The following CD247 variants were observed in gnomAD, a reference collection of about 807,000 sequenced individuals.
CD247 encodes T-cell surface glycoprotein CD3 zeta chain.
In CD247, 13 loss-of-function variants were observed where a neutral mutation model predicts 30.0. The ratio of observed to expected loss-of-function variants is 0.43; its 90% CI spans 0.28 to 0.69. The LOEUF is 0.69. CD247 is among the 30% of genes least tolerant of loss of function. CD247 has a pLI of 0.16. For missense variants in CD247, 193 were observed against 212.6 expected (o/e 0.91, Z 0.57); for synonymous variants, 72 against 80.0 (o/e 0.90, Z 0.53).
intron 1 of CD247, among the ~76,000 whole-genome samples, chr1:167,477,433 T>C (rs1020677633): frequency 6.6e-6 from 1 of 152,146 alleles, no homozygotes; most frequent in Admixed American, 6.5e-5. Flanking sequence ...GAAAGTGCCA[T>C]TTGTGTAGTT....
intron 1 of CD247, among the ~76,000 whole-genome samples, chr1:167,472,420 T>C (rs772254289): frequency 5.9e-5 from 9 of 152,250 alleles, no homozygotes; most frequent in Non-Finnish European, 4.4e-5. Context: ...TTGGCAGAAT[T>C]ATGCCTATGG....
At chr1:167,458,028 C>T (rs1408901197) in intron 1 of CD247, among the ~76,000 whole-genome samples, 2 of 152,186 alleles carry the variant, frequency 1.3e-5, no homozygotes, top group African/African-American at 2.4e-5. Flanking sequence ...CCTGAAAGAA[C>T]ATTTTTATGG....
intron 4 of CD247, among the ~76,000 whole-genome samples, chr1:167,436,527 A>C (rs1481545156): frequency 1.3e-5 from 2 of 152,244 alleles, no homozygotes; most frequent in African/African-American, 4.8e-5. Context: ...TCTCTTCAAT[A>C]AACGGTGTTG....
intron 1 of CD247, among the ~76,000 whole-genome samples, chr1:167,445,298 T>A (rs950756327): frequency 6.6e-6 from 1 of 152,104 alleles, no homozygotes; most frequent in African/African-American, 2.4e-5. Flanking sequence ...CATAAGGGTA[T>A]GTGTTCCATT....
chr1:167,458,385 T>G (rs996641251), intron 1 of CD247: 5 of 152,404 alleles, frequency 3.3e-5, no homozygotes, highest in African/African-American at 9.6e-5. Context: ...GCCCTGCATG[T>G]GACTCAGGCC....
rs947697025 is a variant in CD247 at position 167,475,996 on chromosome 1, A to AT, written c.59-35230dup. Reference sequence around the variant, plus strand: ...GAGGGATAATGGTAGTATAGTATATATTTTTTTTCTTTAAAGGGTGCTTAT... The same window carrying AT: ...GAGGGATAATGGTAGTATAGTATATATTTTTTTTTCTTTAAAGGGTGCTTAT... On this transcript the variant is annotated intron_variant, in intron 1 of 7. Coordinates refer to ENST00000362089, the MANE Select transcript of CD247 (RefSeq NM_198053.3). Among the ~76,000 whole-genome samples the AT allele has an allele frequency of 9.3e-5, 14 of 150,606 alleles. 1 individual carries two copies. Among genetic ancestry groups the AT allele is most frequent in the Admixed American group, 2.0e-4 (3 of 15,198 alleles).
chr1:167,464,717 T>G (rs1215640106), intron 1 of CD247, among the ~76,000 whole-genome samples: 1 of 152,204 alleles, frequency 6.6e-6, no homozygotes, highest in African/African-American at 2.4e-5. Flanking sequence ...GAATTTTGCC[T>G]GTAGTTTTTC....
At chr1:167,450,886 C>T (rs930094264) in intron 1 of CD247, among the ~76,000 whole-genome samples, 11 of 148,734 alleles carry the variant, frequency 7.4e-5, no homozygotes, top group Admixed American at 2.0e-4. Flanking sequence ...GCAATCCCAC[C>T]TGGTGACAGA....
chr1:167,501,245 G>A (rs1447392547), intron 1 of CD247, among the ~76,000 whole-genome samples: 1 of 151,416 alleles, frequency 6.6e-6, no homozygotes, highest in Non-Finnish European at 1.5e-5. Context: ...TTTCAGTAGA[G>A]ACGGGGTTTC....
At position 167,449,014 on chromosome 1, in the gene CD247, C is replaced by T. The variant is rs80019098; in HGVS notation, c.59-8247G>A. ...TATGTATTCCCATAGATAAGGGTTC[C>T]AAGGGAAGAGGGAAGAACAGGGCTG... is the stretch of plus-strand genomic sequence containing the variant. On this transcript the variant is annotated intron_variant, in intron 1 of 7. Transcript: ENST00000362089. Among the ~76,000 whole-genome samples, 1,168 of 152,162 alleles carry T rather than the reference C, an allele frequency of 7.7e-3. 5 individuals are homozygous for T. The highest frequency in any genetic ancestry group is 0.011 in the Non-Finnish European group (779 of 68,016).
intron 1 of CD247, among the ~76,000 whole-genome samples, chr1:167,445,079 C>T (rs558555129): frequency 1.3e-5 from 2 of 152,180 alleles, no homozygotes; most frequent in Non-Finnish European, 2.9e-5. Flanking sequence ...GTGCACACCA[C>T]GATGCCCTGC....
chr1:167,454,239 G>A (rs1414862011), intron 1 of CD247, among the ~76,000 whole-genome samples: 1 of 152,128 alleles, frequency 6.6e-6, no homozygotes, highest in African/African-American at 2.4e-5. Context: ...TATCTGGAGG[G>A]CCGCACACAC....
chr1:167,501,887 A>G (rs983264010), intron 1 of CD247, among the ~76,000 whole-genome samples: 1 of 152,234 alleles, frequency 6.6e-6, no homozygotes, highest in African/African-American at 2.4e-5. Flanking sequence ...ACGCAGGTAG[A>G]ACTGTCTAAA....
chr1:167,489,229 T>C (rs573215752), intron 1 of CD247, among the ~76,000 whole-genome samples: 71 of 152,300 alleles, frequency 4.7e-4, no homozygotes, highest in African/African-American at 1.7e-3. Context: ...TATAGGTTCT[T>C]ATATGATAAT....
intron 1 of CD247, among the ~76,000 whole-genome samples, chr1:167,515,381 C>G (rs1655558300): frequency 6.6e-6 from 1 of 152,120 alleles, no homozygotes; most frequent in Non-Finnish European, 1.5e-5. Flanking sequence ...CAAAGTAATA[C>G]TTTGAAAAAC....
intron 1 of CD247, among the ~76,000 whole-genome samples, chr1:167,506,519 T>TTC (rs879669142): frequency 4.0e-5 from 6 of 151,750 alleles, no homozygotes; most frequent in Admixed American, 3.9e-4. Context: ...AGCGAATATT[T>TTC]TCTCTCTCTC....
intron 1 of CD247, among the ~76,000 whole-genome samples, chr1:167,453,878 C>T (rs1310118229): frequency 2.0e-5 from 3 of 152,144 alleles, no homozygotes; most frequent in Admixed American, 6.5e-5. Context: ...GTCGGAGGAT[C>T]ACCTGAGCCC....
At chr1:167,454,622 T>C (rs560292315) in intron 1 of CD247, among the ~76,000 whole-genome samples, 2 of 152,144 alleles carry the variant, frequency 1.3e-5, no homozygotes, top group Admixed American at 6.5e-5. Flanking sequence ...CATTTATATA[T>C]GAACACAGAA....
At chr1:167,486,736 C>T (rs1654224692) in intron 1 of CD247, among the ~76,000 whole-genome samples, 1 of 152,156 alleles carries the variant, frequency 6.6e-6, no homozygotes, top group African/African-American at 2.4e-5. Context: ...GCCACTTATG[C>T]GGGCCACTGC....
Sources: gnomAD v4.1 joint callset for allele counts (sites outside exome capture counted in the v4.1 genomes callset) on GRCh38, gnomAD v4.1.1 for gene constraint, MANE v1.5 for transcripts, NCBI Gene and HGNC (gene_info 2026-07-23, HGNC 2026-07-21) for gene names.